COL21A1: variants seen among roughly 807,000 people sequenced by gnomAD.
COL21A1 encodes collagen type XXI alpha 1 chain, also known as collagen alpha-1(XXI) chain.
A neutral mutation model predicts 137.9 loss-of-function variants in COL21A1; 149 were observed. The ratio of observed to expected loss-of-function variants is 1.08; its 90% CI spans 0.95 to 1.24. The LOEUF (loss-of-function observed/expected upper bound fraction) is 1.24. Ranked by LOEUF, COL21A1 falls within the 50% of genes most tolerant of loss-of-function variation. The probability of loss-of-function intolerance (pLI) is 0.00; values close to 1 mark genes in which losing one functional copy is unlikely to be tolerated. For missense variants in COL21A1, 1,167 were observed against 1,158.4 expected (o/e 1.01, Z -0.11); for synonymous variants, 456 against 391.5 (o/e 1.16, Z -1.95).
chr6:56,086,588 T>C lies in COL21A1; in HGVS notation c.1813-9015A>G, dbSNP rs562228565. Among the ~76,000 whole-genome samples the C allele has an allele frequency of 2.1e-4, 32 of 152,122 alleles. No individual in the cohort carries two copies. The South Asian group carries it at 6.2e-3, about 30-fold the overall frequency. ...TCACCCTCATCATCTTCATGTTAAG[T>C]AGGCTGAGGAAGAAGAAGAGGAGGG... On this transcript the variant is annotated intron_variant, in intron 17 of 29. Coordinates refer to ENST00000244728, the MANE Select transcript of COL21A1 (RefSeq NM_030820.4).
chr6:56,077,560 A>T lies in COL21A1; in HGVS notation c.1826T>A (p.Phe609Tyr). Residue 609 changes from phenylalanine (F) to tyrosine (Y), a missense_variant, in exon 18 of 30, where the codon TTT becomes TAT. Phe to Tyr is a conservative substitution (Grantham distance 22). Transcript: ENST00000244728. ...GTRGEPGIPG[F>Y]PGNRGLMGQK... is the part of the protein sequence containing the mutation. ...GCCCATTAATCCTCGGTTTCCAGGA[A>T]ATCCTGGGATTCCCTAAAAACAAAT... 6.3e-7 allele frequency: 1 copy of T among 1,575,540 alleles called. No individual in the cohort carries two copies. The highest frequency in any genetic ancestry group is 8.6e-7 in the Non-Finnish European group (1 of 1,158,998).
intron 1 of COL21A1, among the ~76,000 whole-genome samples, chr6:56,327,206 G>T (rs1472324552): frequency 6.6e-6 from 1 of 151,662 alleles, no homozygotes; most frequent in African/African-American, 2.4e-5. Flanking sequence ...ATGAGCTTTA[G>T]ATTTCATGAA....
chr6:56,188,235 T>G (rs1778423795), intron 1 of COL21A1, among the ~76,000 whole-genome samples: 1 of 152,208 alleles, frequency 6.6e-6, no homozygotes, highest in African/African-American at 2.4e-5. Flanking sequence ...AGGTAAAGTT[T>G]CTTATAAGGT....
intron 1 of COL21A1, among the ~76,000 whole-genome samples, chr6:56,320,067 T>C (rs1332140645): frequency 6.6e-6 from 1 of 152,080 alleles, no homozygotes; most frequent in Non-Finnish European, 1.5e-5. Flanking sequence ...ACTTAATAAG[T>C]CTCTCAAAGC....
At chr6:56,152,487 A>C (rs1775399683) in intron 10 of COL21A1, among the ~76,000 whole-genome samples, 1 of 152,222 alleles carries the variant, frequency 6.6e-6, no homozygotes. Context: ...CTTTGAGACT[A>C]CTATCAGATA....
chr6:56,116,817 T>C (rs1771972772), intron 16 of COL21A1, among the ~76,000 whole-genome samples: 1 of 152,032 alleles, frequency 6.6e-6, no homozygotes, highest in East Asian at 1.9e-4. Flanking sequence ...GGGCACAAAG[T>C]TAAGGCAAGT....
intron 1 of COL21A1, among the ~76,000 whole-genome samples, chr6:56,325,954 ATATATATAATATATAT>A (rs1432530976): frequency 1.9e-4 from 3 of 15,682 alleles, no homozygotes; most frequent in African/African-American, 4.4e-4. Flanking sequence ...ATATTATATA[ATATATATAATATATAT>A]TATATATTAT....
intron 1 of COL21A1, chr6:56,276,661 A>G (rs1763663711): frequency 6.9e-7 from 1 of 1,446,782 alleles, no homozygotes; most frequent in South Asian, 1.1e-5. Context: ...TGTCACTTTC[A>G]AAAGTCCTGC....
At chr6:56,298,849 G>A (rs73459076) in intron 1 of COL21A1, among the ~76,000 whole-genome samples, 2,762 of 152,140 alleles carry the variant, frequency 0.018, 85 homozygotes, top group African/African-American at 0.064. Context: ...TTTAAGAAAT[G>A]CAAGTTACTA....
At chr6:56,364,179 C>T (rs1375651425) in intron 1 of COL21A1, among the ~76,000 whole-genome samples, 1 of 151,972 alleles carries the variant, frequency 6.6e-6, no homozygotes, top group Non-Finnish European at 1.5e-5. Flanking sequence ...TGCCCCAGCC[C>T]CTCATTAATG....
At chr6:56,117,091 T>A (rs1419379203) in intron 16 of COL21A1, among the ~76,000 whole-genome samples, 2 of 152,040 alleles carry the variant, frequency 1.3e-5, no homozygotes, top group Non-Finnish European at 2.9e-5. Flanking sequence ...GAGTAGGTCC[T>A]TACTTATAAA....
Position 56,168,143 on chromosome 6 carries a change from C to G in COL21A1, c.1181G>C (p.Gly394Ala). The part of the protein sequence containing the change: ...NGQTQIGKYS[G>A]KEETVQFDVQ... ...ATCTACCTGAACAGTTTCTTCTTTT[C>G]CAGAATATTTTCCAATTTGGGTTTG... The change falls in exon 6 of 30, where the codon GGA becomes GCA. Residue 394 changes from glycine to alanine, a missense_variant. By Grantham distance (60) the Gly-to-Ala change is moderately conservative. Transcript: ENST00000244728. 1 of 1,523,706 alleles carries G rather than the reference C, an allele frequency of 6.6e-7. No individual in the cohort carries two copies. The highest frequency in any genetic ancestry group is 8.8e-7 in the Non-Finnish European group (1 of 1,130,592). The allele number at this position is 1,523,706 out of a possible 1,614,324, so 94.4% of individuals were successfully genotyped here. A position where few individuals can be genotyped will look rare whatever the true frequency, so the allele number is the denominator to read the frequency against.
At chr6:56,119,645 C>T (rs183436801) in intron 16 of COL21A1, among the ~76,000 whole-genome samples, 161 of 151,922 alleles carry the variant, frequency 1.1e-3, no homozygotes, top group African/African-American at 3.7e-3. Flanking sequence ...TTACATTACC[C>T]GACATCAAAT....
At chr6:56,252,969 C>T (rs751404255) in intron 1 of COL21A1, among the ~76,000 whole-genome samples, 10 of 152,100 alleles carry the variant, frequency 6.6e-5, no homozygotes, top group Non-Finnish European at 1.0e-4. Flanking sequence ...ATGGATAAAT[C>T]GAAGAGCCTA....
intron 1 of COL21A1, among the ~76,000 whole-genome samples, chr6:56,225,409 C>T (rs2152314781): frequency 6.6e-6 from 1 of 152,102 alleles, no homozygotes; most frequent in Admixed American, 6.6e-5. Context: ...CTACTCACTC[C>T]TCAGTAAGGA....
At chr6:56,077,961 G>A in intron 17 of COL21A1, 2 of 407,612 alleles carry the variant, frequency 4.9e-6, no homozygotes. Context: ...AGTTCCACAA[G>A]CCCTCAGTGT....
At position 56,164,798 on chromosome 6, in the gene COL21A1, T is replaced by C; in HGVS notation, c.1287+16A>G. On this transcript the variant is annotated intron_variant, in intron 8 of 29. Coordinates refer to ENST00000244728, the MANE Select transcript of COL21A1 (RefSeq NM_030820.4). Reference sequence around the variant, plus strand: ...ACAAATATTACCTTAAGGGGAACAATAGTATCCAAGCCTACCTCTCCATTC... The same window carrying C: ...ACAAATATTACCTTAAGGGGAACAACAGTATCCAAGCCTACCTCTCCATTC... The C allele has an allele frequency of 4.5e-6, 7 of 1,566,108 alleles. No homozygotes were observed. Among genetic ancestry groups the C allele is most frequent in the Non-Finnish European group, 6.1e-6 (7 of 1,152,646 alleles).
At chr6:56,314,969 A>G (rs1216614586) in intron 1 of COL21A1, among the ~76,000 whole-genome samples, 1 of 152,222 alleles carries the variant, frequency 6.6e-6, no homozygotes. Context: ...GAGCACAAGC[A>G]GTATTATGGG....
chr6:56,361,822 G>A (rs1160520689), intron 1 of COL21A1, among the ~76,000 whole-genome samples: 3 of 152,038 alleles, frequency 2.0e-5, no homozygotes, highest in African/African-American at 4.8e-5. Context: ...ACAACACAAA[G>A]GCAACCAATA....
Sources: allele counts gnomAD v4.1 joint callset (sites outside exome capture counted in the v4.1 genomes callset), GRCh38; gene constraint gnomAD v4.1.1; transcripts MANE v1.5; gene names NCBI Gene and HGNC (gene_info 2026-07-23, HGNC 2026-07-21).